The following VILL variants were observed in gnomAD, a reference collection of about 807,000 sequenced individuals.
VILL encodes the protein villin-like protein.
A neutral mutation model predicts 106.3 loss-of-function variants in VILL; 102 were observed. The observed-to-expected ratio is 0.96, with a 90% confidence interval of 0.82 to 1.13. The LOEUF (loss-of-function observed/expected upper bound fraction) is 1.13, where lower values mean the gene tolerates loss of function less well. Among genes scored for constraint, VILL ranks in the 50% most tolerant of loss-of-function variants. The pLI is 0.00. For synonymous variants in VILL, 431 were observed against 440.3 expected (o/e 0.98, Z 0.27); for missense variants, 1,076 against 1,116.6 (o/e 0.96, Z 0.52).
intron 5 of VILL, 102 bp from the exon 6 acceptor site, chr3:37,996,975 A>G: frequency 1.0e-6 from 1 of 968,796 alleles, no homozygotes; most frequent in Non-Finnish European, 1.6e-6. Context: ...ACGTACACCC[A>G]GTTTGCATAC....
chr3:38,000,455 G>T (rs967160089), intron 11 of VILL, among the ~76,000 whole-genome samples: 2 of 152,062 alleles, frequency 1.3e-5, no homozygotes, highest in Admixed American at 1.3e-4. Flanking sequence ...AGGGAGAGAG[G>T]GGGTACAGGG....
At position 37,997,433 on chromosome 3, in the gene VILL, T is replaced by C. The variant is rs1293094238; in HGVS notation, c.562-50T>C. On this transcript the variant is annotated intron_variant, in intron 6 of 19. Transcript: ENST00000383759. This position sits in a 1 kb window ranked among gnomAD's most constrained non-coding sequence, Gnocchi z 4.7. ...GAGCAGTGACAGGAGAAGTCTCTGC[T>C]GTGAGAGGGCACACTGGTGACACCC... is the stretch of plus-strand genomic sequence containing the variant. 1.3e-6 allele frequency: 2 copies of C among 1,591,956 alleles called. No homozygotes were observed. Among genetic ancestry groups the C allele is most frequent in the Non-Finnish European group, 1.7e-6 (2 of 1,166,394 alleles).
At chr3:37,990,615 C>T (rs545445111), upstream of VILL, 50 of 152,658 alleles carry the variant, frequency 3.3e-4, no homozygotes, top group South Asian at 6.2e-4. This position sits in a 1 kb window ranked among gnomAD's most constrained non-coding sequence, Gnocchi z 5.1. Context: ...CTGGGGAGGG[C>T]GCTGGTCCCG....
chr3:38,003,548 C>T, intron 15 of VILL: 1 of 536,338 alleles, frequency 1.9e-6, no homozygotes, highest in Non-Finnish European at 3.3e-6. Flanking sequence ...CCTCTGCTGG[C>T]AGCATCCCCT....
At chr3:38,005,026 T>G (rs1188402803) in intron 16 of VILL, among the ~76,000 whole-genome samples, 1 of 152,228 alleles carries the variant, frequency 6.6e-6, no homozygotes. Flanking sequence ...TGCATGCAGC[T>G]CTGTGTCTGA....
chr3:37,993,544 G>A, intron 1 of VILL, 43 bp from the exon 2 acceptor site: 1 of 780,572 alleles, frequency 1.3e-6, no homozygotes, highest in Non-Finnish European at 2.1e-6. Context: ...ACATTTGTGT[G>A]TTTACAGAGC....
At chr3:37,996,703 C>A (rs1380851699) in intron 5 of VILL, among the ~76,000 whole-genome samples, 1 of 152,204 alleles carries the variant, frequency 6.6e-6, no homozygotes, top group African/African-American at 2.4e-5. Context: ...AAAGTACTCC[C>A]TTTTACTCTC....
At chr3:38,003,508 AG>A in intron 15 of VILL, 195 bp downstream of exon 15, 1 of 483,110 alleles carries the variant, frequency 2.1e-6, no homozygotes, top group Non-Finnish European at 3.3e-6. Flanking sequence ...TGCGTCTCTC[AG>A]ATGCTGGGGA....
At position 37,994,474 on chromosome 3, in the gene VILL, CG is replaced by C. The variant is rs1229329198; in HGVS notation, c.341+13del. The C allele has an allele frequency of 6.0e-5, 97 of 1,610,684 alleles. No homozygotes were observed. The highest frequency in any genetic ancestry group is 8.1e-5 in the Non-Finnish European group (95 of 1,179,218). On this transcript the variant is annotated intron_variant, in intron 4 of 19. Transcript: ENST00000383759. ...CTTCCGCCCGGGAATCATGTGAGTG[CG>C]GGGGCGACCGGGGCAGGAGGGAGCC...
chr3:37,993,382 G>T (rs574417578), intron 1 of VILL: 1 of 431,290 alleles, frequency 2.3e-6, no homozygotes, highest in African/African-American at 2.0e-5. Context: ...TTCGAATCAT[G>T]CACTGCAGGC....
chr3:37,991,350 G>C (rs1234378090), intron 1 of VILL, among the ~76,000 whole-genome samples: 1 of 151,066 alleles, frequency 6.6e-6, no homozygotes, highest in Non-Finnish European at 1.5e-5. Context: ...GGAAAGAGAG[G>C]GGAGCCTGGG....
In VILL at chr3:37,999,327, TC is replaced by T. The variant is rs1229339257; in HGVS notation, c.1082-6del. The T allele has an allele frequency of 1.3e-6, 2 of 1,503,898 alleles. No individual in the cohort carries two copies. The highest frequency in any genetic ancestry group is 1.3e-5 in the South Asian group (1 of 75,518). The allele number at this position is 1,503,898 out of a possible 1,614,324, so 93.2% of individuals were successfully genotyped here. On this transcript the variant is annotated splice_polypyrimidine_tract_variant and intron_variant, in intron 10 of 19. Coordinates refer to ENST00000383759, the MANE Select transcript of VILL (RefSeq NM_015873.4). ...CAGAGGGCGCCACTGACGCCTACTG[TC>T]CCCCCTTCAGATAAATCGATTCATG...
chr3:37,991,890 C>A (rs1302492583), intron 1 of VILL, among the ~76,000 whole-genome samples: 1 of 152,066 alleles, frequency 6.6e-6, no homozygotes, highest in East Asian at 1.9e-4. Flanking sequence ...TCTTTGAGCA[C>A]CCATTCCTCC....
Position 37,997,087 on chromosome 3 carries a change from C to T in VILL, c.461C>T (p.Ser154Phe). 1 of 1,613,990 alleles carries T rather than the reference C, an allele frequency of 6.2e-7. No individual in the cohort carries two copies. The highest frequency in any genetic ancestry group is 2.2e-5 in the East Asian group (1 of 44,876). The change falls in exon 6 of 20, where the codon TCC (serine) becomes TTC (phenylalanine). Residue 154 changes from serine (S) to phenylalanine (F), a missense_variant. Physicochemically the swap from Ser to Phe is radical, Grantham distance 155 (BLOSUM62 -2). Coordinates refer to ENST00000383759, the MANE Select transcript of VILL (RefSeq NM_015873.4). This position sits in a 1 kb window ranked among gnomAD's most constrained non-coding sequence, Gnocchi z 4.7. Reference sequence around the variant, plus strand: ...CCCTGGCTCTGGCAGGTGGAGCTCTCCTGGAACAGCTTTAATAAGGGTGAC... The same window carrying T: ...CCCTGGCTCTGGCAGGTGGAGCTCTTCTGGAACAGCTTTAATAAGGGTGAC... The part of the protein sequence containing the change: ...KHVSATEVEL[S>F]WNSFNKGDIF...
rs1699821461 is a variant in VILL, at chr3:38,001,775, G to A, written c.1394G>A (p.Gly465Asp). ...GAGGAACTAGATGTCATGTATGGTGGCGTCCTAGTACAGGAGCATGTGACC... is the reference window on the plus strand; with the variant it reads ...GAGGAACTAGATGTCATGTATGGTGACGTCCTAGTACAGGAGCATGTGACC... Reference protein sequence around the residue: ...NAEELDVMYGGVLVQEHVTMG... With the variant: ...NAEELDVMYGDVLVQEHVTMG... The change falls in exon 13 of 20, where the codon GGC becomes GAC. Residue 465 changes from glycine (G) to aspartate (D), a missense_variant. By Grantham distance (94) the Gly-to-Asp change is moderately conservative. Transcript: ENST00000383759. 1.2e-5 allele frequency: 20 copies of A among 1,614,248 alleles called. No homozygotes were observed. In the African/African-American group the frequency reaches 2.0e-4, roughly 16 times the overall value.
rs754484560 is a variant in VILL at position 37,997,532 on chromosome 3, G to A, written c.611G>A (p.Arg204His). ...SLRDRERGGGRAQIGVVDDEA... is the reference protein window; with the variant it reads ...SLRDRERGGGHAQIGVVDDEA... Reference sequence around the variant, plus strand: ...CGGGACAGGGAACGTGGTGGTGGTCGTGCACAGATTGGTGTGGTGGATGAT... The same window carrying A: ...CGGGACAGGGAACGTGGTGGTGGTCATGCACAGATTGGTGTGGTGGATGAT... Residue 204 changes from arginine (R) to histidine (H), a missense_variant, in exon 7 of 20, where the codon CGT becomes CAT. Coordinates refer to ENST00000383759, the MANE Select transcript of VILL (RefSeq NM_015873.4). This position sits in a 1 kb window ranked among gnomAD's most constrained non-coding sequence, Gnocchi z 4.7. 9.3e-6 allele frequency: 15 copies of A among 1,614,114 alleles called. No homozygotes were observed. In the African/African-American group the frequency reaches 1.2e-4, roughly 13 times the overall value.
chr3:38,001,071 A>G (rs1351369744), intron 11 of VILL: 1 of 480,064 alleles, frequency 2.1e-6, no homozygotes, highest in Non-Finnish European at 4.1e-6. Flanking sequence ...ATAAAAGGGA[A>G]TTCATTCAAG....
At chr3:37,991,308 G>C (rs1217519190) in intron 1 of VILL, 1 of 153,090 alleles carries the variant, frequency 6.5e-6, no homozygotes, top group Non-Finnish European at 1.5e-5. Context: ...GGAGAGAAGA[G>C]GGGGTGTGTG....
chr3:37,999,054 AGCGGGCGGGGCGGGGCT>A lies in VILL; in HGVS notation c.1081+6_1081+22del. The A allele has an allele frequency of 1.5e-6, 1 of 650,442 alleles. No homozygotes were observed. 40.3% of individuals were successfully genotyped at this position (650,442 alleles called of 1,614,324 possible). On this transcript the variant is annotated splice_donor_5th_base_variant and intron_variant, in intron 10 of 19. Transcript: ENST00000383759. ...AACCAGAAGCTCGGCGGGAGGGGTGAGCGGGCGGGGCGGGGCTGACGGGGGCGGGGCGGGACTGGCGG... is the reference window on the plus strand; with the variant it reads ...AACCAGAAGCTCGGCGGGAGGGGTGAGACGGGGGCGGGGCGGGACTGGCGG...
Sources: allele counts gnomAD v4.1 joint callset (sites outside exome capture counted in the v4.1 genomes callset), GRCh38; gene constraint gnomAD v4.1.1; non-coding constraint Gnocchi (gnomAD v3.1); transcripts MANE v1.5; gene names NCBI Gene and HGNC (gene_info 2026-07-23, HGNC 2026-07-21).